SLC45A4: variants seen among roughly 807,000 people sequenced by gnomAD.
The protein encoded by SLC45A4 is solute carrier family 45 member 4.
SLC45A4 carries 32 observed loss-of-function variants against 63.7 expected under a neutral mutation model. The observed-to-expected ratio is 0.50, with a 90% CI of 0.38 to 0.67. The LOEUF is 0.67. SLC45A4 is among the 30% of genes least tolerant of loss of function. The pLI, the probability that SLC45A4 is intolerant of heterozygous loss-of-function variation, is 0.00. For synonymous variants in SLC45A4, 535 were observed against 510.0 expected, an observed-to-expected ratio of 1.05 and a Z score of -0.66; for missense variants, 1,027 against 1,157.7, an observed-to-expected ratio of 0.89 and a Z score of 1.64.
intron 2 of SLC45A4, among the ~76,000 whole-genome samples, chr8:141,250,952 G>GT (rs1393385700): frequency 2.0e-5 from 3 of 152,200 alleles, no homozygotes; most frequent in African/African-American, 7.2e-5. Flanking sequence ...ATTCCAAGGT[G>GT]TTGTGGAAGT....
At chr8:141,294,318 G>A (rs971154510) in intron 1 of SLC45A4, among the ~76,000 whole-genome samples, 12 of 152,238 alleles carry the variant, frequency 7.9e-5, no homozygotes, top group Non-Finnish European at 1.3e-4. Context: ...TGAACAAGCC[G>A]CATCGGGAGG....
intron 1 of SLC45A4, among the ~76,000 whole-genome samples, chr8:141,287,973 C>A (rs1311437157): frequency 6.6e-6 from 1 of 152,174 alleles, no homozygotes; most frequent in Non-Finnish European, 1.5e-5. Context: ...TTGCACCGAC[C>A]CCCACGTTTC....
chr8:141,213,738 G>A (rs1017105278), intron 7 of SLC45A4, among the ~76,000 whole-genome samples: 5 of 152,196 alleles, frequency 3.3e-5, no homozygotes, highest in Admixed American at 3.3e-4. Context: ...CTAAGACGCC[G>A]AAAGTTCTTT....
In SLC45A4 at chr8:141,227,411, C is replaced by G. The variant is rs1827076462; in HGVS notation, c.242-5646G>C. On this transcript the variant is annotated intron_variant, in intron 2 of 8. Coordinates refer to ENST00000517878, the MANE Select transcript of SLC45A4 (RefSeq NM_001286646.2). The surrounding 1 kb of genome is among the most constrained non-coding windows in gnomAD (Gnocchi z 4.4). ...GAACAGGAACTTGCATTCTTTCTTTCAATGGACAAAGCTTCCACATCAAGA... is the reference window on the plus strand; with the variant it reads ...GAACAGGAACTTGCATTCTTTCTTTGAATGGACAAAGCTTCCACATCAAGA... 6.6e-6 allele frequency among the ~76,000 whole-genome samples: 1 copy of G among 152,218 alleles called. No homozygotes were observed. Among genetic ancestry groups the G allele is most frequent in the Non-Finnish European group, 1.5e-5 (1 of 68,036 alleles).
intron 2 of SLC45A4, among the ~76,000 whole-genome samples, chr8:141,253,449 C>A (rs1271526544): frequency 6.6e-6 from 1 of 152,258 alleles, no homozygotes; most frequent in East Asian, 1.9e-4. Context: ...TTCAAGTCAA[C>A]AGCAACAATG....
chr8:141,253,027 ACACC>A lies in SLC45A4; in HGVS notation c.241+958_241+961del, dbSNP rs1312819612. On this transcript the variant is annotated intron_variant, in intron 2 of 8. Coordinates refer to ENST00000517878, the MANE Select transcript of SLC45A4 (RefSeq NM_001286646.2). ...TGCGTCTGTGAATTTCCGTGTTTTC[ACACC>A]CACCTGTGTCTGTGAATTTCCGTGT... Among the ~76,000 whole-genome samples, 6 of 133,512 alleles carry A rather than the reference ACACC, an allele frequency of 4.5e-5. No homozygotes were observed. The South Asian group carries it at 1.4e-3, about 32-fold the overall frequency. 87.6% of individuals were successfully genotyped at this position (133,512 alleles called of 152,430 possible). A position where few individuals can be genotyped will look rare whatever the true frequency, so the allele number is the denominator to read the frequency against.
At chr8:141,287,931 T>C (rs573612594) in intron 1 of SLC45A4, among the ~76,000 whole-genome samples, 74 of 152,274 alleles carry the variant, frequency 4.9e-4, no homozygotes, top group African/African-American at 1.7e-3. Context: ...CGTACCCTCT[T>C]GCGCCCAGCC....
At chr8:141,226,271 G>C (rs909420189) in intron 2 of SLC45A4, 1 of 152,312 alleles carries the variant, frequency 6.6e-6, no homozygotes, top group Non-Finnish European at 1.5e-5. Flanking sequence ...AAGGGGATCA[G>C]TGGAGACACA....
At chr8:141,240,373 G>C (rs961456783) in intron 2 of SLC45A4, among the ~76,000 whole-genome samples, 17 of 152,110 alleles carry the variant, frequency 1.1e-4, no homozygotes, top group Admixed American at 1.1e-3. Flanking sequence ...TATACTTCCT[G>C]AACCAAGAAG....
chr8:141,248,835 G>A (rs766338200), intron 2 of SLC45A4, among the ~76,000 whole-genome samples: 1 of 151,814 alleles, frequency 6.6e-6, no homozygotes, highest in Non-Finnish European at 1.5e-5. Context: ...GGCAACATAC[G>A]GTGAAACCCC....
In SLC45A4 at chr8:141,211,371, A is replaced by C. The variant is rs1011231475; in HGVS notation, c.*201T>G. 20 of 1,479,082 alleles carry C rather than the reference A, an allele frequency of 1.4e-5. No individual in the cohort carries two copies. In the Admixed American group the frequency reaches 2.1e-4, roughly 16 times the overall value. The allele number at this position is 1,479,082 out of a possible 1,614,324, so 91.6% of individuals were successfully genotyped here. On this transcript the variant is annotated 3_prime_UTR_variant, in exon 9 of 9. Coordinates refer to ENST00000517878, the MANE Select transcript of SLC45A4 (RefSeq NM_001286646.2). ...CACGCGCACGCAGGAGCTCGTCTGG[A>C]GCTCACGCTCCGCCCCCAGGTGGTG...
At chr8:141,223,340 G>A (rs1189525539) in intron 2 of SLC45A4, among the ~76,000 whole-genome samples, 1 of 152,194 alleles carries the variant, frequency 6.6e-6, no homozygotes, top group Non-Finnish European at 1.5e-5. Flanking sequence ...GCAGACCCGG[G>A]TTCCTCAGCT....
In SLC45A4 at chr8:141,218,382, G is replaced by A. The variant is rs771820129; in HGVS notation, c.1258C>T (p.Arg420Cys). Residue 420 changes from arginine to cysteine, a missense_variant, in exon 5 of 9, where the codon CGC becomes TGC. Arg to Cys is a radical substitution (Grantham distance 180). Transcript: ENST00000517878. ...SSMRRRRHAFRRQASSTFSYY... is the reference protein window; with the variant it reads ...SSMRRRRHAFCRQASSTFSYY... ...GAGAAGGTGCTGGAGGCCTGCCTGCGGAACGCGTGCCGCCGCCGCCGCATG... is the reference window on the plus strand; with the variant it reads ...GAGAAGGTGCTGGAGGCCTGCCTGCAGAACGCGTGCCGCCGCCGCCGCATG... The A allele has an allele frequency of 1.7e-5, 27 of 1,608,302 alleles. No homozygotes were observed. The highest frequency in any genetic ancestry group is 5.5e-5 in the South Asian group (5 of 91,032).
At position 141,227,498 on chromosome 8, in the gene SLC45A4, G is replaced by A. The variant is rs534776975; in HGVS notation, c.242-5733C>T. Among the ~76,000 whole-genome samples the A allele has an allele frequency of 5.3e-4, 80 of 152,320 alleles. No individual in the cohort carries two copies. The highest frequency in any genetic ancestry group is 1.9e-3 in the African/African-American group (77 of 41,572). On this transcript the variant is annotated intron_variant, in intron 2 of 8. Coordinates refer to ENST00000517878, the MANE Select transcript of SLC45A4 (RefSeq NM_001286646.2). This position sits in a 1 kb window ranked among gnomAD's most constrained non-coding sequence, Gnocchi z 4.4. ...CGAAACTCGTGAGCACAAGTCCTGC[G>A]TGGGAAAGGCTTAGCATCCTTGAGT...
intron 2 of SLC45A4, among the ~76,000 whole-genome samples, chr8:141,244,515 G>A (rs956320888): frequency 2.0e-5 from 3 of 152,146 alleles, no homozygotes; most frequent in Admixed American, 2.0e-4. Context: ...GAGGGAGAGG[G>A]CAACCTTCAG....
Position 141,254,454 on chromosome 8 carries a change from A to G in SLC45A4, c.-225T>C, listed in dbSNP as rs1419477119. ...CGATTTTTGGTTGGATTTTAAACAT[A>G]TGGCTTGCTGGTTTACTGTGAATTA... On this transcript the variant is annotated 5_prime_UTR_variant, in exon 2 of 9. Transcript: ENST00000517878. This position sits in a 1 kb window ranked among gnomAD's most constrained non-coding sequence, Gnocchi z 4.5. The G allele has an allele frequency of 1.5e-5, 10 of 657,696 alleles. No individual in the cohort carries two copies. Among genetic ancestry groups the G allele is most frequent in the Non-Finnish European group, 2.5e-5 (9 of 365,490 alleles). 40.7% of individuals were successfully genotyped at this position (657,696 alleles called of 1,614,324 possible). A position where few individuals can be genotyped will look rare whatever the true frequency, so the allele number is the denominator to read the frequency against.
intron 7 of SLC45A4, among the ~76,000 whole-genome samples, chr8:141,213,417 C>G (rs1288793326): frequency 6.6e-6 from 1 of 152,258 alleles, no homozygotes; most frequent in African/African-American, 2.4e-5. Context: ...CACTGGAAAT[C>G]AGTAACAACA....
At chr8:141,299,567 A>G (rs2154615427) in intron 1 of SLC45A4, among the ~76,000 whole-genome samples, 1 of 152,230 alleles carries the variant, frequency 6.6e-6, no homozygotes, top group East Asian at 1.9e-4. Flanking sequence ...ATCCGGCTTC[A>G]TCCAGCAGAG....
chr8:141,237,026 C>T (rs889267118), intron 2 of SLC45A4, among the ~76,000 whole-genome samples: 6 of 152,028 alleles, frequency 3.9e-5, no homozygotes, highest in South Asian at 4.1e-4. Context: ...GATCATTTTT[C>T]GGCAGAAATA....
Sources: allele counts gnomAD v4.1 joint callset (sites outside exome capture counted in the v4.1 genomes callset), GRCh38; gene constraint gnomAD v4.1.1; non-coding constraint Gnocchi (gnomAD v3.1); transcripts MANE v1.5; gene names NCBI Gene and HGNC (gene_info 2026-07-23, HGNC 2026-07-21).